Variants in MON2 observed in about 807,000 individuals in gnomAD.
MON2 encodes the protein protein MON2 homolog.
A neutral mutation model predicts 208.6 loss-of-function variants in MON2; 84 were observed. The ratio of observed to expected loss-of-function variants is 0.40; its 90% CI spans 0.34 to 0.48. The LOEUF is 0.48. Among genes scored for constraint, MON2 ranks in the 20% least tolerant of loss-of-function variants. The pLI is 0.59. For missense variants in MON2, 1,611 were observed against 2,015.4 expected (o/e 0.80, Z 3.84); for synonymous variants, 660 against 694.0 (o/e 0.95, Z 0.77).
At chr12:62,476,375 A>C (rs1248372994) in intron 1 of MON2, among the ~76,000 whole-genome samples, 3 of 151,694 alleles carry the variant, frequency 2.0e-5, no homozygotes, top group African/African-American at 7.3e-5. Context: ...AGGCAGCTCC[A>C]TACCTCTCTT....
At chr12:62,561,386 A>T (rs1400678768) in intron 26 of MON2, among the ~76,000 whole-genome samples, 2 of 152,148 alleles carry the variant, frequency 1.3e-5, no homozygotes, top group African/African-American at 4.8e-5. Context: ...TGTCCACGCA[A>T]GTCTTCACAA....
rs1241861586 is a variant in MON2, at chr12:62,552,932, C to T, written c.2968C>T (p.Leu990=). 3.1e-6 allele frequency: 5 copies of T among 1,613,884 alleles called. No homozygotes were observed. The highest frequency in any genetic ancestry group is 4.2e-6 in the Non-Finnish European group (5 of 1,179,926). ...AAGAGGGGAAACTATTGAAAAAGAA[C>T]TAAATAAGGAAGAGGCAGCACAGCA... ...FQRGETIEKE[L]NKEEAAQQKQ... Residue 990 remains leucine, a synonymous_variant, in exon 24 of 35, where the codon CTA becomes TTA. Transcript: ENST00000393630.
chr12:62,547,745 A>G (rs1466800324), intron 22 of MON2, among the ~76,000 whole-genome samples: 7 of 152,118 alleles, frequency 4.6e-5, no homozygotes, highest in African/African-American at 1.4e-4. Flanking sequence ...TACGTTTTCT[A>G]TGTTTAGATA....
chr12:62,499,349 C>T (rs1181685298), intron 5 of MON2, among the ~76,000 whole-genome samples: 1 of 152,060 alleles, frequency 6.6e-6, no homozygotes, highest in Admixed American at 6.5e-5. Context: ...GCTTCGTCCT[C>T]ATAATTTAAA....
intron 19 of MON2, among the ~76,000 whole-genome samples, chr12:62,539,094 A>G (rs2073114410): frequency 6.6e-6 from 1 of 152,152 alleles, no homozygotes; most frequent in South Asian, 2.1e-4. Context: ...AGTTGTATTT[A>G]TTTATATGTT....
intron 1 of MON2, among the ~76,000 whole-genome samples, chr12:62,480,052 T>A (rs187654545): frequency 2.2e-4 from 34 of 152,292 alleles, no homozygotes; most frequent in Middle Eastern, 3.4e-3. Context: ...TAATCATTGA[T>A]AGTGAAATTT....
rs942422764 is a variant in MON2, at chr12:62,475,649, C to T, written c.111+8331C>T. On this transcript the variant is annotated intron_variant, in intron 1 of 34. Transcript: ENST00000393630. The stretch of plus-strand genomic sequence containing the variant: ...TGAACTCCTGACCTCATGATCTGCC[C>T]GCCTCAGCCTCCCAAAGTGCTGGGA... Among the ~76,000 whole-genome samples the T allele has an allele frequency of 6.7e-5, 10 of 149,342 alleles. No homozygotes were observed. The East Asian group carries it at 8.2e-4, about 12-fold the overall frequency.
In MON2 at chr12:62,528,316, G is replaced by C. The variant is rs377757399; in HGVS notation, c.1400+2214G>C. On this transcript the variant is annotated intron_variant, in intron 11 of 34. Transcript: ENST00000393630. ...TTCTGTTCTTTTATTGACTGCTTGA[G>C]TATAATTTGAAAACTTAAGTGATAT... Among the ~76,000 whole-genome samples the C allele has an allele frequency of 2.6e-5, 4 of 152,092 alleles. No homozygotes were observed. The East Asian group carries it at 7.7e-4, about 29-fold the overall frequency.
intron 8 of MON2, among the ~76,000 whole-genome samples, chr12:62,514,792 C>CA (rs1463404450): frequency 6.6e-6 from 1 of 152,094 alleles, no homozygotes. Context: ...TCAACAACAA[C>CA]AAAAAACTAA....
intron 22 of MON2, among the ~76,000 whole-genome samples, chr12:62,548,974 T>G (rs2136290828): frequency 6.6e-6 from 1 of 152,270 alleles, no homozygotes; most frequent in East Asian, 1.9e-4. Context: ...TTGTGTGTAT[T>G]TACATGTACT....
Position 62,580,396 on chromosome 12 carries a change from C to A in MON2, c.4675C>A (p.His1559Asn). The A allele has an allele frequency of 6.2e-7, 1 of 1,602,424 alleles. No homozygotes were observed. The highest frequency in any genetic ancestry group is 8.5e-7 in the Non-Finnish European group (1 of 1,172,072). The change falls in exon 32 of 35, where the codon CAT (histidine) becomes AAT (asparagine). Residue 1559 changes from histidine to asparagine, a missense_variant. Physicochemically the swap from His to Asn is moderately conservative, Grantham distance 68. Coordinates refer to ENST00000393630, the MANE Select transcript of MON2 (RefSeq NM_015026.3). ...GACAATGCTTAACAAGGGCTCAATA[C>A]ATTCTCAGTCATCTTCATTTACAGG... ...IMTMLNKGSI[H>N]SQSSSFTEAE...
intron 1 of MON2, among the ~76,000 whole-genome samples, chr12:62,481,515 CAAAAAAAA>C (rs5798644): frequency 9.1e-5 from 10 of 110,286 alleles, no homozygotes; most frequent in African/African-American, 3.1e-4. Context: ...GACTCCGTCT[CAAAAAAAA>C]AAAAAAAAAA....
intron 8 of MON2, among the ~76,000 whole-genome samples, chr12:62,515,255 A>G (rs2071626584): frequency 6.6e-6 from 1 of 152,246 alleles, no homozygotes. Flanking sequence ...TTGTCAGATG[A>G]ACAAACCAAG....
intron 29 of MON2, among the ~76,000 whole-genome samples, chr12:62,568,129 T>G (rs965846873): frequency 6.6e-5 from 10 of 152,066 alleles, no homozygotes; most frequent in African/African-American, 2.4e-4. Context: ...AAGTTAAGAG[T>G]TAGGTTAAAA....
At chr12:62,545,502 T>C (rs2073443394) in intron 21 of MON2, 1 of 152,184 alleles carries the variant, frequency 6.6e-6, no homozygotes, top group Non-Finnish European at 1.5e-5. Context: ...TGTACCCACT[T>C]TTTAAAAAGT....
chr12:62,476,090 A>G (rs1235212782), intron 1 of MON2, among the ~76,000 whole-genome samples: 1 of 152,172 alleles, frequency 6.6e-6, no homozygotes, highest in Non-Finnish European at 1.5e-5. Context: ...ATATACATGT[A>G]ATCTGCATTC....
intron 15 of MON2, 93 bp downstream of exon 15, chr12:62,537,356 ATTTAC>A: frequency 1.1e-6 from 1 of 890,474 alleles, no homozygotes; most frequent in Non-Finnish European, 1.7e-6. Context: ...TCATACATTT[ATTTAC>A]TTTCTTTTAC....
In MON2 at chr12:62,580,386, G is replaced by A. The variant is rs762238235; in HGVS notation, c.4665G>A (p.Lys1555=). ...GTCAAATAATGACAATGCTTAACAA[G>A]GGCTCAATACATTCTCAGTCATCTT... ...FVGQIMTMLN[K]GSIHSQSSSF... Residue 1555 remains lysine, a synonymous_variant, in exon 32 of 35, where the codon AAG becomes AAA. Transcript: ENST00000393630. 18 of 1,607,582 alleles carry A rather than the reference G, an allele frequency of 1.1e-5. No individual in the cohort carries two copies. In the African/African-American group the frequency reaches 2.4e-4, roughly 22 times the overall value.
chr12:62,484,102 G>T, intron 1 of MON2, 68 bp from the exon 2 acceptor site: 1 of 1,139,236 alleles, frequency 8.8e-7, no homozygotes, highest in South Asian at 1.4e-5. Flanking sequence ...TATCACATAT[G>T]ACTTATTTTC....
Sources: allele counts gnomAD v4.1 joint callset (sites outside exome capture counted in the v4.1 genomes callset), GRCh38; gene constraint gnomAD v4.1.1; transcripts MANE v1.5; gene names NCBI Gene and HGNC (gene_info 2026-07-23, HGNC 2026-07-21).